CDH18: variants seen among roughly 807,000 people sequenced by gnomAD.
CDH18 encodes cadherin-18.
CDH18 carries 31 observed loss-of-function variants against 67.9 expected under a neutral mutation model. That is an observed-to-expected ratio of 0.46 (90% confidence interval 0.34 to 0.62). The LOEUF (loss-of-function observed/expected upper bound fraction) is 0.62, where lower values mean the gene tolerates loss of function less well. Ranked by LOEUF, CDH18 falls within the 20% of genes least tolerant of loss-of-function variation. The pLI is 0.01. For synonymous variants in CDH18, 362 were observed against 347.2 expected, an observed-to-expected ratio of 1.04 and a Z score of -0.48; for missense variants, 890 against 975.5, an observed-to-expected ratio of 0.91 and a Z score of 1.17.
chr5:20,165,626 A>T (rs1736223003), intron 2 of CDH18, among the ~76,000 whole-genome samples: 1 of 152,144 alleles, frequency 6.6e-6, no homozygotes, highest in African/African-American at 2.4e-5. Flanking sequence ...ACATGTAACC[A>T]TTAGGATATT....
At chr5:20,531,046 AAAAC>A (rs1247051365) in intron 1 of CDH18, among the ~76,000 whole-genome samples, 1 of 152,080 alleles carries the variant, frequency 6.6e-6, no homozygotes, top group African/African-American at 2.4e-5. Flanking sequence ...TACAAAAAAT[AAAAC>A]AAACAACCCC....
intron 2 of CDH18, among the ~76,000 whole-genome samples, chr5:19,910,140 G>A (rs1439896439): frequency 6.6e-6 from 1 of 152,076 alleles, no homozygotes; most frequent in Non-Finnish European, 1.5e-5. Context: ...AATAACTGTG[G>A]CCAAAACGGG....
In CDH18 at chr5:20,419,361, G is replaced by C. The variant is rs557562069; in HGVS notation, c.-580+156101C>G. ...ACACCCTTCACCAGAACCCAACCATGCTGGCTCCACGGGTTCTCTGATCTC... is the reference window on the plus strand; with the variant it reads ...ACACCCTTCACCAGAACCCAACCATCCTGGCTCCACGGGTTCTCTGATCTC... On this transcript the variant is annotated intron_variant, in intron 1 of 14. Coordinates refer to the CDH18 transcript ENST00000507958. Among the ~76,000 whole-genome samples the C allele has an allele frequency of 2.6e-5, 4 of 151,218 alleles. No individual in the cohort carries two copies. The South Asian group carries it at 6.3e-4, about 24-fold the overall frequency.
intron 2 of CDH18, among the ~76,000 whole-genome samples, chr5:19,979,658 G>A (rs1212353443): frequency 6.6e-6 from 1 of 152,090 alleles, no homozygotes; most frequent in East Asian, 1.9e-4. Flanking sequence ...AATAATTATA[G>A]CATCCAATTT....
At chr5:20,091,802 C>A in intron 2 of CDH18, among the ~76,000 whole-genome samples, 1 of 151,392 alleles carries the variant, frequency 6.6e-6, no homozygotes, top group East Asian at 1.9e-4. Flanking sequence ...AAAAAAAAAA[C>A]CTTAAACTTT....
intron 4 of CDH18, among the ~76,000 whole-genome samples, chr5:19,725,272 C>T (rs559483204): frequency 5.3e-5 from 8 of 152,150 alleles, no homozygotes; most frequent in South Asian, 2.1e-4. Context: ...GATCCATAAC[C>T]GATATTCAAG....
chr5:19,490,392 C>CTTTTT (rs1561183202), intron 11 of CDH18, among the ~76,000 whole-genome samples: 8 of 40,306 alleles, frequency 2.0e-4, no homozygotes, highest in South Asian at 9.8e-4. Flanking sequence ...ATATAAAAAT[C>CTTTTT]TGTTTTTTTT....
chr5:19,732,326 C>T (rs538336911), intron 4 of CDH18, among the ~76,000 whole-genome samples: 1 of 151,856 alleles, frequency 6.6e-6, no homozygotes, highest in East Asian at 1.9e-4. Flanking sequence ...TTGTGGCACA[C>T]ACCTGTAGTC....
chr5:20,192,359 G>A (rs1426551162), intron 2 of CDH18, among the ~76,000 whole-genome samples: 2 of 151,986 alleles, frequency 1.3e-5, no homozygotes, highest in Non-Finnish European at 2.9e-5. Flanking sequence ...AGTTTAATTA[G>A]ATCCCCTTTG....
intron 2 of CDH18, among the ~76,000 whole-genome samples, chr5:20,007,934 G>A (rs576067437): frequency 1.3e-5 from 2 of 152,112 alleles, no homozygotes; most frequent in East Asian, 3.9e-4. Flanking sequence ...CAGCAGAATT[G>A]AGTAGTTTTG....
intron 9 of CDH18, among the ~76,000 whole-genome samples, chr5:19,525,763 A>G (rs1251934460): frequency 6.6e-6 from 1 of 152,104 alleles, no homozygotes; most frequent in African/African-American, 2.4e-5. Flanking sequence ...GGGTCTCTAT[A>G]TATTATTTCT....
At chr5:19,587,218 A>C (rs1324372756) in intron 7 of CDH18, among the ~76,000 whole-genome samples, 2 of 152,166 alleles carry the variant, frequency 1.3e-5, no homozygotes, top group Non-Finnish European at 2.9e-5. Flanking sequence ...TTTAATTATT[A>C]GATTGGTACA....
intron 1 of CDH18, among the ~76,000 whole-genome samples, chr5:20,291,602 T>A (rs184543931): frequency 7.9e-5 from 12 of 152,232 alleles, no homozygotes; most frequent in African/African-American, 2.9e-4. Flanking sequence ...AAAGGCACAT[T>A]CTAGAAGGAA....
chr5:19,949,368 T>A (rs1347435852), intron 2 of CDH18, among the ~76,000 whole-genome samples: 1 of 152,148 alleles, frequency 6.6e-6, no homozygotes, highest in African/African-American at 2.4e-5. Context: ...GGACATAATA[T>A]TTCATGTAGA....
At chr5:19,757,120 G>A (rs1771707336) in intron 3 of CDH18, among the ~76,000 whole-genome samples, 1 of 152,130 alleles carries the variant, frequency 6.6e-6, no homozygotes, top group Non-Finnish European at 1.5e-5. Flanking sequence ...ACACTTTTTT[G>A]TTGTAAAGTG....
chr5:19,959,352 T>C (rs1175079890), intron 2 of CDH18, among the ~76,000 whole-genome samples: 1 of 152,070 alleles, frequency 6.6e-6, no homozygotes, highest in Non-Finnish European at 1.5e-5. Context: ...TATACTAATG[T>C]ATATTTAGTT....
intron 2 of CDH18, among the ~76,000 whole-genome samples, chr5:20,086,209 G>C (rs1158711004): frequency 6.6e-6 from 1 of 152,214 alleles, no homozygotes; most frequent in African/African-American, 2.4e-5. Context: ...GCCTAATCCA[G>C]TGCAAGACCC....
chr5:19,660,094 T>C (rs547322452), intron 5 of CDH18, among the ~76,000 whole-genome samples: 1 of 152,246 alleles, frequency 6.6e-6, no homozygotes, highest in South Asian at 2.1e-4. Flanking sequence ...ATTTAAGCCA[T>C]TCTCTTCACA....
intron 2 of CDH18, among the ~76,000 whole-genome samples, chr5:20,055,990 C>CTTTTTTTTTTTT (rs34736791): frequency 4.3e-4 from 32 of 73,808 alleles, no homozygotes; most frequent in Non-Finnish European, 5.6e-4. Flanking sequence ...TTTTGGTTTC[C>CTTTTTTTTTTTT]TTTTTTTTTT....
Sources: allele counts gnomAD v4.1 joint callset (sites outside exome capture counted in the v4.1 genomes callset), GRCh38; gene constraint gnomAD v4.1.1; transcripts MANE v1.5; gene names NCBI Gene and HGNC (gene_info 2026-07-23, HGNC 2026-07-21).